The following IL17RC variants were observed in gnomAD, a reference collection of about 807,000 sequenced individuals.
IL17RC encodes interleukin-17 receptor C.
In IL17RC, 53 loss-of-function variants were observed where a neutral mutation model predicts 86.7. That is an observed-to-expected ratio of 0.61 (90% CI 0.49 to 0.77). The LOEUF is 0.77. IL17RC is among the 30% of genes least tolerant of loss of function. The pLI is 0.00. For missense variants in IL17RC, 957 were observed against 940.0 expected, an observed-to-expected ratio of 1.02 and a Z score of -0.24; for synonymous variants, 439 against 413.1, an observed-to-expected ratio of 1.06 and a Z score of -0.76.
At chr3:9,923,829 T>A in intron 7 of IL17RC, 52 bp from the exon 8 acceptor site, 4 of 1,598,742 alleles carry the variant, frequency 2.5e-6, no homozygotes, top group East Asian at 2.2e-5. Context: ...CAGTCGGGGA[T>A]GCAGAAGAGG....
At chr3:9,928,685 A>T in intron 12 of IL17RC, 55 bp downstream of exon 12, 1 of 1,563,332 alleles carries the variant, frequency 6.4e-7, no homozygotes, top group Non-Finnish European at 8.8e-7. Flanking sequence ...CAGACCCCCC[A>T]GCCAAGGGGG....
intron 7 of IL17RC, among the ~76,000 whole-genome samples, chr3:9,921,655 C>G (rs572186542): frequency 4.9e-5 from 7 of 143,884 alleles, no homozygotes; most frequent in African/African-American, 1.8e-4. Context: ...GACAGAGTCT[C>G]GCTCTGTCGC....
In IL17RC at chr3:9,932,705, T is replaced by TGAGC. The variant is rs2084863484; in HGVS notation, c.1483+4_1483+7dup. On this transcript the variant is annotated splice_region_variant and intron_variant, in intron 17 of 18. Transcript: ENST00000403601. ...TTCTCAAAAAGGATCACGCGAAAGGTGAGCGCTTCCCGGCTCCCCATTCCC... is the reference window on the plus strand; with the variant it reads ...TTCTCAAAAAGGATCACGCGAAAGGTGAGCGAGCGCTTCCCGGCTCCCCATTCCC... 6.2e-7 allele frequency: 1 copy of TGAGC among 1,613,994 alleles called. No homozygotes were observed. Among genetic ancestry groups the TGAGC allele is most frequent in the East Asian group, 2.2e-5 (1 of 44,862 alleles).
chr3:9,930,485 C>T lies in IL17RC; in HGVS notation c.1338+26C>T, dbSNP rs1295954558. The T allele has an allele frequency of 5.6e-6, 9 of 1,610,306 alleles. No homozygotes were observed. In the South Asian group the frequency reaches 9.9e-5, roughly 18 times the overall value. ...GTGAGCTGGTGGAAGAAGGGCCCCA[C>T]CTCAATGCCTAGGGGCAACAGGCCT... On this transcript the variant is annotated intron_variant, in intron 15 of 18. Transcript: ENST00000403601. This position sits in a 1 kb window ranked among gnomAD's most constrained non-coding sequence, Gnocchi z 5.8.
rs1423795108 is a variant in IL17RC at position 9,930,002 on chromosome 3, T to G, written c.1157-26T>G. 3.7e-6 allele frequency: 6 copies of G among 1,613,646 alleles called. No homozygotes were observed. In the African/African-American group the frequency reaches 6.7e-5, roughly 18 times the overall value. ...CAATCCCAGCAAGGATGGGTCTTGG[T>G]CAGAGTGGCCTCTCACCCCTTCCAG... On this transcript the variant is annotated intron_variant, in intron 13 of 18. Transcript: ENST00000403601. The surrounding 1 kb of genome is among the most constrained non-coding windows in gnomAD (Gnocchi z 5.8).
intron 7 of IL17RC, 96 bp from the exon 8 acceptor site, chr3:9,923,785 C>T (rs1290134100): frequency 9.5e-6 from 13 of 1,368,688 alleles, no homozygotes; most frequent in Non-Finnish European, 1.2e-5. Context: ...GAGAGCCTCC[C>T]AGTCTAGGGG....
intron 7 of IL17RC, 66 bp downstream of exon 7, chr3:9,921,035 G>A: frequency 9.6e-7 from 1 of 1,038,432 alleles, no homozygotes; most frequent in Non-Finnish European, 1.4e-6. Context: ...GAAACCCTTG[G>A]AGTCCACTTC....
chr3:9,919,970 G>A (rs181894855), intron 5 of IL17RC, among the ~76,000 whole-genome samples: 18 of 152,180 alleles, frequency 1.2e-4, no homozygotes, highest in African/African-American at 3.4e-4. Flanking sequence ...CCCTGCCTTA[G>A]GAGGCCACAT....
Position 9,933,066 on chromosome 3 carries a change from G to C in IL17RC, c.1636G>C (p.Val546Leu). The change falls in exon 19 of 19, where the codon GTA becomes CTA. Residue 546 changes from valine (V) to leucine (L), a missense_variant. Physicochemically the swap from Val to Leu is conservative, Grantham distance 32 (BLOSUM62 1). Transcript: ENST00000403601. ...GTGCCAGCTGCCGCTGCGCGTGGCC[G>C]TAGACCTGTGGAGCCGTCGTGAACT... ...ALCQLPLRVAVDLWSRRELSA... is the reference protein window; with the variant it reads ...ALCQLPLRVALDLWSRRELSA... 1 of 1,553,352 alleles carries C rather than the reference G, an allele frequency of 6.4e-7. No homozygotes were observed. Among genetic ancestry groups the C allele is most frequent in the Non-Finnish European group, 8.6e-7 (1 of 1,158,494 alleles).
chr3:9,926,985 C>T (rs1320756781), intron 9 of IL17RC, among the ~76,000 whole-genome samples: 1 of 152,168 alleles, frequency 6.6e-6, no homozygotes, highest in Admixed American at 6.6e-5. Context: ...ATAAATGTTA[C>T]TGCCTAACAC....
chr3:9,920,560 C>A lies in IL17RC; in HGVS notation c.535C>A (p.Pro179Thr). ...SEVRIWSYTQ[P>T]RYEKELNHTQ... ...GGTACGAATCTGGTCCTATACTCAG[C>A]CCAGGTACGAGAAGGAACTCAACCA... Residue 179 changes from proline to threonine, a missense_variant, in exon 6 of 19, where the codon CCC becomes ACC. Transcript: ENST00000403601. The A allele has an allele frequency of 6.2e-7, 1 of 1,608,450 alleles. No individual in the cohort carries two copies. Among genetic ancestry groups the A allele is most frequent in the Non-Finnish European group, 8.5e-7 (1 of 1,176,904 alleles).
At chr3:9,928,917 T>C (rs2084373904) in intron 12 of IL17RC, 2 of 446,174 alleles carry the variant, frequency 4.5e-6, no homozygotes, top group South Asian at 8.8e-5. Context: ...CGGTACAGAC[T>C]AAATGCTCCA....
At position 9,933,459 on chromosome 3, in the gene IL17RC, C is replaced by T. The variant is rs746661591; in HGVS notation, c.2029C>T (p.Leu677Phe). Residue 677 changes from leucine (L) to phenylalanine (F), a missense_variant, in exon 19 of 19, where the codon CTC becomes TTC. By Grantham distance (22) the Leu-to-Phe change is conservative. Coordinates refer to ENST00000403601, the MANE Select transcript of IL17RC (RefSeq NM_153460.4). ...GCCTCGCGCCCCGCGTTCCGGGCGG[C>T]TCCAAGAGAGAGCGGAGCAAGTGTC... ...QQPRAPRSGRLQERAEQVSRA... is the reference protein window; with the variant it reads ...QQPRAPRSGRFQERAEQVSRA... The T allele has an allele frequency of 1.9e-6, 3 of 1,613,010 alleles. No homozygotes were observed. In the South Asian group the frequency reaches 3.3e-5, roughly 18 times the overall value.
chr3:9,931,470 C>CACACACACACACATATAT (rs750351615), intron 16 of IL17RC, among the ~76,000 whole-genome samples: 1 of 43,736 alleles, frequency 2.3e-5, no homozygotes, highest in Admixed American at 2.9e-4. Flanking sequence ...CACACACACA[C>CACACACACACACATATAT]ATATATATAT....
intron 7 of IL17RC, among the ~76,000 whole-genome samples, chr3:9,923,056 G>T (rs908308147): frequency 2.0e-5 from 3 of 151,742 alleles, no homozygotes; most frequent in African/African-American, 7.3e-5. Flanking sequence ...GGCGCCTGTA[G>T]TCCCAGCTAC....
At chr3:9,927,932 G>A (rs898310639) in intron 9 of IL17RC, among the ~76,000 whole-genome samples, 1 of 151,714 alleles carries the variant, frequency 6.6e-6, no homozygotes, top group Non-Finnish European at 1.5e-5. Flanking sequence ...CTGGGCGACA[G>A]AGCGAGACTC....
At chr3:9,928,927 A>C (rs1352220697) in intron 12 of IL17RC, 1 of 410,096 alleles carries the variant, frequency 2.4e-6, no homozygotes, top group Non-Finnish European at 4.3e-6. Context: ...TAAATGCTCC[A>C]TAAATGTAGC....
chr3:9,925,023 G>A (rs2083925618), intron 9 of IL17RC, among the ~76,000 whole-genome samples: 1 of 151,594 alleles, frequency 6.6e-6, no homozygotes, highest in African/African-American at 2.4e-5. Context: ...AGGCTGTTCT[G>A]AATTCCTGGG....
chr3:9,929,712 C>T, intron 12 of IL17RC, 140 bp from the exon 13 acceptor site: 1 of 854,422 alleles, frequency 1.2e-6, no homozygotes, highest in Admixed American at 1.7e-5. Flanking sequence ...ATCACCCAGC[C>T]TTGAATCCAC....
Sources: allele counts gnomAD v4.1 joint callset (sites outside exome capture counted in the v4.1 genomes callset), GRCh38; gene constraint gnomAD v4.1.1; non-coding constraint Gnocchi (gnomAD v3.1); transcripts MANE v1.5; gene names NCBI Gene and HGNC (gene_info 2026-07-23, HGNC 2026-07-21).